The following ZNF391 variants were observed in gnomAD, a reference collection of about 807,000 sequenced individuals.
The protein encoded by ZNF391 is zinc finger protein 391.
For synonymous variants in ZNF391, 126 were observed against 142.1 expected (o/e 0.89, Z 0.80); for missense variants, 375 against 425.5 (o/e 0.88, Z 1.04).
rs1261636014 is a variant in ZNF391, at chr6:27,389,075, G to A, written c.-188G>A. 3 of 456,504 alleles carry A rather than the reference G, an allele frequency of 6.6e-6. No homozygotes were observed. The highest frequency in any genetic ancestry group is 2.0e-5 in the African/African-American group (1 of 50,098). 28.3% of individuals were successfully genotyped at this position (456,504 alleles called of 1,614,324 possible). ...GAGGCTTACAGGGCCCCGGGACCAA[G>A]GTGGGTGCTCTTAGAGGTTCTGGAA... is the stretch of plus-strand genomic sequence containing the variant. On this transcript the variant is annotated splice_region_variant and 5_prime_UTR_variant, in exon 1 of 3. Coordinates refer to ENST00000244576, the MANE Select transcript of ZNF391 (RefSeq NM_001076781.3).
In ZNF391 at chr6:27,401,025, A is replaced by G; in HGVS notation, c.655A>G (p.Arg219Gly). The G allele has an allele frequency of 6.2e-7, 1 of 1,614,222 alleles. No homozygotes were observed. The highest frequency in any genetic ancestry group is 1.6e-4 in the Middle Eastern group (1 of 6,062). The change falls in exon 3 of 3, where the codon AGG becomes GGG. Residue 219 changes from arginine (R) to glycine (G), a missense_variant. Physicochemically the swap from Arg to Gly is moderately radical, Grantham distance 125. Transcript: ENST00000244576. ...GCATCAGCGAACTCATACTCAAGAA[A>G]GGCCTTACAAATGTAATGAATGTGG... Reference protein sequence around the residue: ...SQHQRTHTQERPYKCNECGKA... With the variant: ...SQHQRTHTQEGPYKCNECGKA...
At chr6:27,387,832 TTACTG>T (rs1172491662), upstream of ZNF391, among the ~76,000 whole-genome samples, 2 of 152,194 alleles carry the variant, frequency 1.3e-5, no homozygotes, top group Non-Finnish European at 2.9e-5. Context: ...GCTAAAAACT[TTACTG>T]TATGACTTTA....
upstream of ZNF391, among the ~76,000 whole-genome samples, chr6:27,387,745 A>T (rs1761607825): frequency 6.6e-6 from 1 of 152,262 alleles, no homozygotes; most frequent in Non-Finnish European, 1.5e-5. Flanking sequence ...AGCAGGGAAT[A>T]GAGACTGCTC....
At chr6:27,395,978 TG>T (rs973642254) in intron 1 of ZNF391, among the ~76,000 whole-genome samples, 3 of 152,188 alleles carry the variant, frequency 2.0e-5, no homozygotes, top group African/African-American at 7.2e-5. Context: ...AGACTTCTGT[TG>T]GGGACAAGAA....
chr6:27,387,103 A>G (rs1247558051), upstream of ZNF391, among the ~76,000 whole-genome samples: 3 of 152,234 alleles, frequency 2.0e-5, no homozygotes, highest in Non-Finnish European at 4.4e-5. Context: ...GATGCTCAAC[A>G]TCACTAGCCA....
chr6:27,381,438 C>T (rs1761505816), intron 1 of ZNF391, among the ~76,000 whole-genome samples: 1 of 152,268 alleles, frequency 6.6e-6, no homozygotes, highest in African/African-American at 2.4e-5. Flanking sequence ...TCGCGCTTCT[C>T]CCTCCACACC....
At chr6:27,381,331 G>A (rs575507986) in intron 1 of ZNF391, among the ~76,000 whole-genome samples, 58 of 152,236 alleles carry the variant, frequency 3.8e-4, no homozygotes, top group Admixed American at 9.2e-4. Context: ...CTCATTGCCC[G>A]GGGCCGGCAG....
At chr6:27,387,833 T>C (rs1477365397), upstream of ZNF391, among the ~76,000 whole-genome samples, 2 of 152,210 alleles carry the variant, frequency 1.3e-5, no homozygotes, top group Non-Finnish European at 2.9e-5. Context: ...CTAAAAACTT[T>C]ACTGTATGAC....
chr6:27,374,725 C>A lies in ZNF391; in HGVS notation n.111C>A, dbSNP rs979402651. The stretch of plus-strand genomic sequence containing the variant: ...CTCGTCCCTCCCTCTCAGATAACCA[C>A]CTATTTCTGACCTCTGGAGGCCGGG... On this transcript the variant is annotated non_coding_transcript_exon_variant, in exon 1 of 3. Transcript: ENST00000477999. The surrounding 1 kb of genome is among the most constrained non-coding windows in gnomAD (Gnocchi z 5.3). 2 of 152,148 alleles carry A rather than the reference C, an allele frequency of 1.3e-5. No homozygotes were observed. Among genetic ancestry groups the A allele is most frequent in the African/African-American group, 4.8e-5 (2 of 41,446 alleles). The allele number at this position is 152,148 out of a possible 1,614,324, so 9.4% of individuals were successfully genotyped here.
At chr6:27,377,469 G>A (rs542340984) in intron 1 of ZNF391, among the ~76,000 whole-genome samples, 1 of 152,314 alleles carries the variant, frequency 6.6e-6, no homozygotes, top group African/African-American at 2.4e-5. Flanking sequence ...TGCTCACTGA[G>A]ATAGATGCAT....
At chr6:27,382,931 C>T (rs937826082) in intron 1 of ZNF391, among the ~76,000 whole-genome samples, 2 of 151,974 alleles carry the variant, frequency 1.3e-5, no homozygotes, top group African/African-American at 4.8e-5. Flanking sequence ...ACCAGCCTGG[C>T]CAACATGGTA....
At position 27,401,094 on chromosome 6, in the gene ZNF391, A is replaced by G. The variant is rs370174887; in HGVS notation, c.724A>G (p.Ile242Val). The G allele has an allele frequency of 6.2e-7, 1 of 1,614,230 alleles. No homozygotes were observed. Among genetic ancestry groups the G allele is most frequent in the East Asian group, 2.2e-5 (1 of 44,890 alleles). ...DRSTIIQHQR[I>V]HTGENPYECS... ...TTCAACCATAATTCAGCATCAACGAATACACACTGGAGAGAATCCCTATGA... is the reference window on the plus strand; with the variant it reads ...TTCAACCATAATTCAGCATCAACGAGTACACACTGGAGAGAATCCCTATGA... Residue 242 changes from isoleucine to valine, a missense_variant, in exon 3 of 3, where the codon ATA (isoleucine) becomes GTA (valine). Transcript: ENST00000244576.
At chr6:27,384,350 G>A (rs139818701), upstream of ZNF391, among the ~76,000 whole-genome samples, 46 of 151,614 alleles carry the variant, frequency 3.0e-4, no homozygotes, top group East Asian at 8.8e-3. Context: ...TGTAATCCCA[G>A]CTACTCAGGA....
At chr6:27,396,997 A>C (rs142450419) in intron 1 of ZNF391, among the ~76,000 whole-genome samples, 1 of 152,288 alleles carries the variant, frequency 6.6e-6, no homozygotes, top group East Asian at 1.9e-4. Flanking sequence ...TCTCCCTAGG[A>C]TGCCATCTTG....
At chr6:27,390,229 T>C (rs1205552859) in intron 1 of ZNF391, among the ~76,000 whole-genome samples, 1 of 152,108 alleles carries the variant, frequency 6.6e-6, no homozygotes, top group African/African-American at 2.4e-5. Context: ...AGGAATTGAT[T>C]ATAGGAGAGA....
In ZNF391 at chr6:27,401,084, G is replaced by T. The variant is rs749312289; in HGVS notation, c.714G>T (p.Gln238His). 2.5e-6 allele frequency: 4 copies of T among 1,614,000 alleles called. No homozygotes were observed. Among genetic ancestry groups the T allele is most frequent in the Non-Finnish European group, 3.4e-6 (4 of 1,180,004 alleles). Residue 238 changes from glutamine to histidine, a missense_variant, in exon 3 of 3, where the codon CAG becomes CAT. By Grantham distance (24) the Gln-to-His change is conservative (BLOSUM62 0). Coordinates refer to ENST00000244576, the MANE Select transcript of ZNF391 (RefSeq NM_001076781.3). The stretch of plus-strand genomic sequence containing the variant: ...TCGGTGACCGTTCAACCATAATTCA[G>T]CATCAACGAATACACACTGGAGAGA... ...KAFGDRSTIIQHQRIHTGENP... is the reference protein window; with the variant it reads ...KAFGDRSTIIHHQRIHTGENP...
At chr6:27,390,954 C>G (rs1020477789) in intron 1 of ZNF391, 2 of 152,144 alleles carry the variant, frequency 1.3e-5, no homozygotes, top group African/African-American at 4.8e-5. Context: ...TAAGCAGTGT[C>G]ATCTGTCTTC....
intron 1 of ZNF391, among the ~76,000 whole-genome samples, chr6:27,378,380 G>C (rs552837480): frequency 4.6e-5 from 7 of 152,024 alleles, no homozygotes; most frequent in Non-Finnish European, 7.4e-5. Flanking sequence ...TAGGGGTGGG[G>C]CCGTTTTATA....
intron 1 of ZNF391, among the ~76,000 whole-genome samples, chr6:27,381,185 T>C (rs1372954232): frequency 1.3e-5 from 2 of 152,206 alleles, no homozygotes; most frequent in Non-Finnish European, 2.9e-5. Context: ...TCAGGCATGG[T>C]GGGCTGCAGG....
Sources: gnomAD v4.1 joint callset for allele counts (sites outside exome capture counted in the v4.1 genomes callset) on GRCh38, gnomAD v4.1.1 for gene constraint, Gnocchi (gnomAD v3.1) non-coding constraint, MANE v1.5 for transcripts, NCBI Gene and HGNC (gene_info 2026-07-23, HGNC 2026-07-21) for gene names.